The following TSPAN15 variants were observed in gnomAD, a reference collection of about 807,000 sequenced individuals.
The protein encoded by TSPAN15 is tetraspanin 15, also known as tetraspanin-15.
In TSPAN15, 20 loss-of-function variants were observed where a neutral mutation model predicts 34.5. The ratio of observed to expected loss-of-function variants is 0.58; its 90% CI spans 0.41 to 0.84. TSPAN15 has a LOEUF of 0.84. Ranked by LOEUF, TSPAN15 falls within the 40% of genes least tolerant of loss-of-function variation. TSPAN15 has a pLI of 0.00. For synonymous variants in TSPAN15, 155 were observed against 153.9 expected (o/e 1.01, Z -0.05); for missense variants, 313 against 386.1 (o/e 0.81, Z 1.59).
chr10:69,540,460 G>A, the TSPAN15 span, among the ~76,000 whole-genome samples: 1,334 of 152,306 alleles, frequency 8.8e-3, 15 homozygotes, highest in African/African-American at 0.029. Flanking sequence ...GCCACTGCTT[G>A]TAGGCAAGGG....
chr10:69,469,053 A>ACCGTTCAGCCCCTCCTGTGGG (rs1554831901), intron 1 of TSPAN15, among the ~76,000 whole-genome samples: 1 of 134,972 alleles, frequency 7.4e-6, no homozygotes, highest in African/African-American at 2.7e-5. Context: ...AGAGGGCTGG[A>ACCGTTCAGCCCCTCCTGTGGG]CAGAAAGGGT....
intron 1 of TSPAN15, among the ~76,000 whole-genome samples, chr10:69,466,332 C>T (rs1841383726): frequency 6.6e-6 from 1 of 152,114 alleles, no homozygotes; most frequent in Non-Finnish European, 1.5e-5. Context: ...GCCTCTCTCT[C>T]AGCCTCAGAT....
chr10:69,493,403 C>T (rs57635703), intron 3 of TSPAN15, among the ~76,000 whole-genome samples: 5,280 of 152,080 alleles, frequency 0.035, 310 homozygotes, highest in African/African-American at 0.12. Context: ...TGCTCCAGAG[C>T]TGCTGTTTAT....
chr10:69,502,239 C>G (rs1284080160), intron 5 of TSPAN15, among the ~76,000 whole-genome samples: 6 of 152,150 alleles, frequency 3.9e-5, no homozygotes, highest in Non-Finnish European at 8.8e-5. Context: ...CATAGAAGTT[C>G]ACATAGGGCT....
intron 5 of TSPAN15, among the ~76,000 whole-genome samples, chr10:69,503,471 C>A (rs913516457): frequency 1.6e-4 from 25 of 152,170 alleles, no homozygotes; most frequent in African/African-American, 5.1e-4. Context: ...CCTATTCATT[C>A]ATTCATTTTC....
At chr10:69,488,983 G>A (rs1161721630) in intron 3 of TSPAN15, among the ~76,000 whole-genome samples, 3 of 152,192 alleles carry the variant, frequency 2.0e-5, no homozygotes, top group Admixed American at 2.0e-4. Flanking sequence ...GAACCAGTCT[G>A]AACTCAAATT....
intron 1 of TSPAN15, among the ~76,000 whole-genome samples, chr10:69,472,255 C>T (rs990088924): frequency 2.0e-5 from 3 of 152,168 alleles, no homozygotes; most frequent in African/African-American, 7.2e-5. Flanking sequence ...CCTGTGGTAC[C>T]TTCATGGGCA....
At chr10:69,458,396 C>T (rs906091778) in intron 1 of TSPAN15, among the ~76,000 whole-genome samples, 15 of 152,322 alleles carry the variant, frequency 9.8e-5, no homozygotes, top group African/African-American at 3.6e-4. Context: ...GGGATTCAGC[C>T]ACTGTTATAT....
the TSPAN15 span, among the ~76,000 whole-genome samples, chr10:69,527,751 A>G: frequency 6.8e-6 from 1 of 147,548 alleles, no homozygotes; most frequent in African/African-American, 2.5e-5. Flanking sequence ...CCACAGAACT[A>G]TGTGTTTAGA....
At chr10:69,489,424 C>T (rs537971025) in intron 3 of TSPAN15, among the ~76,000 whole-genome samples, 7 of 152,190 alleles carry the variant, frequency 4.6e-5, no homozygotes, top group East Asian at 3.9e-4. Flanking sequence ...CCCCAGCTTA[C>T]GAAGATAACA....
At chr10:69,459,617 G>C (rs558100843) in intron 1 of TSPAN15, among the ~76,000 whole-genome samples, 1 of 152,176 alleles carries the variant, frequency 6.6e-6, no homozygotes, top group Non-Finnish European at 1.5e-5. Flanking sequence ...GAGGAAGCCC[G>C]GGAAGGGCTG....
chr10:69,474,196 C>T (rs1225768932), intron 1 of TSPAN15, among the ~76,000 whole-genome samples: 11 of 132,244 alleles, frequency 8.3e-5, no homozygotes, highest in African/African-American at 3.1e-4. Flanking sequence ...TGCTCCTTTT[C>T]AGATGGCTCT....
chr10:69,466,998 C>A (rs998684967), intron 1 of TSPAN15, among the ~76,000 whole-genome samples: 17 of 152,208 alleles, frequency 1.1e-4, no homozygotes, highest in Non-Finnish European at 2.1e-4. Flanking sequence ...AGCGCCAGCC[C>A]TCTGGGAGCC....
At chr10:69,512,275 A>G (rs996974342), downstream of TSPAN15, among the ~76,000 whole-genome samples, 1 of 152,220 alleles carries the variant, frequency 6.6e-6, no homozygotes, top group Non-Finnish European at 1.5e-5. Context: ...ATAGAAAATA[A>G]TAATATTTGT....
the TSPAN15 span, among the ~76,000 whole-genome samples, chr10:69,543,883 G>C: frequency 6.8e-6 from 1 of 146,094 alleles, no homozygotes; most frequent in African/African-American, 2.5e-5. Context: ...GTGTGTGTGT[G>C]TGTGTGTGTG....
At chr10:69,539,400 A>G in the TSPAN15 span, among the ~76,000 whole-genome samples, 829 of 102,206 alleles carry the variant, frequency 8.1e-3, 19 homozygotes, top group Middle Eastern at 0.018. Flanking sequence ...AAGAGGAAGA[A>G]GAGGAAGAGG....
chr10:69,459,920 A>ACC (rs34284537), intron 1 of TSPAN15, among the ~76,000 whole-genome samples: 2,134 of 107,998 alleles, frequency 0.02, 129 homozygotes, highest in African/African-American at 0.056. Context: ...GACTCTAGGC[A>ACC]CCCCCCCCCC....
intron 4 of TSPAN15, among the ~76,000 whole-genome samples, 189 bp downstream of exon 4, chr10:69,495,878 A>C (rs1318275078): frequency 6.6e-6 from 1 of 152,134 alleles, no homozygotes; most frequent in African/African-American, 2.4e-5. Context: ...GGCCCAACCT[A>C]TTCAGCCAGT....
At chr10:69,458,405 A>G (rs781567682) in intron 1 of TSPAN15, among the ~76,000 whole-genome samples, 1 of 152,238 alleles carries the variant, frequency 6.6e-6, no homozygotes, top group Non-Finnish European at 1.5e-5. Context: ...CCACTGTTAT[A>G]TGTTGGTAAA....
Sources: allele counts gnomAD v4.1 joint callset (sites outside exome capture counted in the v4.1 genomes callset), GRCh38; gene constraint gnomAD v4.1.1; transcripts MANE v1.5; gene names NCBI Gene and HGNC (gene_info 2026-07-23, HGNC 2026-07-21).